GLRA1: variants seen among roughly 807,000 people sequenced by gnomAD.
GLRA1 encodes the protein glycine receptor alpha 1, also known as glycine receptor subunit alpha-1.
GLRA1 carries 37 observed loss-of-function variants against 48.3 expected under a neutral mutation model. The ratio of observed to expected loss-of-function variants is 0.77; its 90% confidence interval spans 0.59 to 1.01. The LOEUF (loss-of-function observed/expected upper bound fraction) is 1.01, where lower values mean the gene tolerates loss of function less well. Among genes scored for constraint, GLRA1 ranks in the 50% least tolerant of loss-of-function variants. GLRA1 has a pLI of 0.00. For synonymous variants in GLRA1, 196 were observed against 210.7 expected, an observed-to-expected ratio of 0.93 and a Z score of 0.60; for missense variants, 427 against 571.0, an observed-to-expected ratio of 0.75 and a Z score of 2.57.
chr5:151,878,621 G>A (rs999780820), intron 3 of GLRA1, among the ~76,000 whole-genome samples: 14 of 152,120 alleles, frequency 9.2e-5, no homozygotes, highest in African/African-American at 2.2e-4. Flanking sequence ...TGCTGTGTGC[G>A]GTCTAGAGAC....
At chr5:151,872,522 A>G (rs1581634069) in intron 3 of GLRA1, among the ~76,000 whole-genome samples, 1 of 150,018 alleles carries the variant, frequency 6.7e-6, no homozygotes, top group East Asian at 1.9e-4. Context: ...CTATTCTTTC[A>G]TTAAAGCAAT....
At chr5:151,865,261 A>G (rs1753303675) in intron 3 of GLRA1, among the ~76,000 whole-genome samples, 1 of 152,212 alleles carries the variant, frequency 6.6e-6, no homozygotes, top group Non-Finnish European at 1.5e-5. Context: ...ATAGGGGTTA[A>G]ACGCAGGGTG....
intron 3 of GLRA1, among the ~76,000 whole-genome samples, chr5:151,871,430 T>C (rs1212229529): frequency 6.7e-6 from 1 of 148,322 alleles, no homozygotes; most frequent in Non-Finnish European, 1.5e-5. Flanking sequence ...AATCAAAAAC[T>C]TTACTGAAAG....
In GLRA1 at chr5:151,912,409, G is replaced by A. The variant is rs192310280; in HGVS notation, c.56+12085C>T. On this transcript the variant is annotated intron_variant, in intron 1 of 8. Coordinates refer to ENST00000274576, the MANE Select transcript of GLRA1 (RefSeq NM_000171.4). ...GGAAGGGGCTTCTCTGCAGGACTTGGTGATGGTGAAGAGCAACCTTATCTG... is the reference window on the plus strand; with the variant it reads ...GGAAGGGGCTTCTCTGCAGGACTTGATGATGGTGAAGAGCAACCTTATCTG... Among the ~76,000 whole-genome samples the A allele has an allele frequency of 3.4e-3, 519 of 152,160 alleles. 4 individuals are homozygous for A. The highest frequency in any genetic ancestry group is 0.012 in the African/African-American group (506 of 41,526).
At chr5:151,904,899 A>T (rs940910237) in intron 1 of GLRA1, among the ~76,000 whole-genome samples, 1 of 152,168 alleles carries the variant, frequency 6.6e-6, no homozygotes, top group Non-Finnish European at 1.5e-5. Flanking sequence ...TGTGCTTTAT[A>T]TTGGAATCTA....
chr5:151,896,750 T>TTTAAAC, intron 1 of GLRA1, among the ~76,000 whole-genome samples: 1 of 152,364 alleles, frequency 6.6e-6, no homozygotes, highest in Non-Finnish European at 1.5e-5. Context: ...TCTCACTTCT[T>TTTAAAC]TTAAACTTAA....
intron 1 of GLRA1, among the ~76,000 whole-genome samples, chr5:151,924,124 C>G (rs1754947305): frequency 6.6e-6 from 1 of 152,150 alleles, no homozygotes; most frequent in Non-Finnish European, 1.5e-5. Context: ...CCTAATTAAA[C>G]TGAGTAACTC....
chr5:151,850,964 C>T (rs573112673), intron 7 of GLRA1, among the ~76,000 whole-genome samples: 33 of 152,206 alleles, frequency 2.2e-4, no homozygotes, highest in Non-Finnish European at 4.0e-4. Context: ...CAACTTTATG[C>T]TGAGTCCTAT....
chr5:151,872,392 A>G (rs1753508529), intron 3 of GLRA1, among the ~76,000 whole-genome samples: 1 of 149,906 alleles, frequency 6.7e-6, no homozygotes, highest in African/African-American at 2.6e-5. Context: ...GTGAAAATAA[A>G]AAAGCTTGAT....
chr5:151,854,705 A>G (rs926585146), intron 6 of GLRA1, among the ~76,000 whole-genome samples: 2 of 152,180 alleles, frequency 1.3e-5, no homozygotes, highest in Non-Finnish European at 2.9e-5. Flanking sequence ...CTTTTGCTCT[A>G]TTGGAAATGC....
intron 7 of GLRA1, among the ~76,000 whole-genome samples, chr5:151,834,901 G>A (rs1475264119): frequency 8.6e-5 from 13 of 151,854 alleles, no homozygotes; most frequent in East Asian, 3.9e-4. Flanking sequence ...GGTGGCAGGC[G>A]CCTGTAGTCC....
intron 3 of GLRA1, among the ~76,000 whole-genome samples, chr5:151,868,663 C>T (rs751372369): frequency 2.6e-5 from 4 of 152,300 alleles, no homozygotes; most frequent in East Asian, 3.9e-4. Context: ...GCTGCTATGA[C>T]GTACCTGTGG....
At chr5:151,889,398 T>C (rs1753999951) in intron 2 of GLRA1, among the ~76,000 whole-genome samples, 1 of 152,246 alleles carries the variant, frequency 6.6e-6, no homozygotes, top group Non-Finnish European at 1.5e-5. Flanking sequence ...TCCTGCTGGA[T>C]CATTTTACAG....
At chr5:151,854,250 AGACTGCAGCCCAGGCT>A (rs1206476692) in intron 6 of GLRA1, among the ~76,000 whole-genome samples, 1 of 152,212 alleles carries the variant, frequency 6.6e-6, no homozygotes. Context: ...TACCCAAGAC[AGACTGCAGCCCAGGCT>A]GCCTGTACCT....
chr5:151,900,193 C>G (rs1754329529), intron 1 of GLRA1, among the ~76,000 whole-genome samples: 1 of 152,136 alleles, frequency 6.6e-6, no homozygotes, highest in Admixed American at 6.5e-5. Flanking sequence ...TAAGGAGGCA[C>G]TCAATCCCAG....
chr5:151,886,582 C>A, intron 3 of GLRA1, 139 bp downstream of exon 3: 1 of 717,734 alleles, frequency 1.4e-6, no homozygotes. Flanking sequence ...GACATCCGAG[C>A]CTCATGGTAT....
chr5:151,853,779 C>A (rs547778449), intron 6 of GLRA1, among the ~76,000 whole-genome samples: 1 of 152,046 alleles, frequency 6.6e-6, no homozygotes, highest in Admixed American at 6.6e-5. Context: ...GAATCTATTG[C>A]CAAATCTAAG....
intron 1 of GLRA1, among the ~76,000 whole-genome samples, chr5:151,906,019 G>A (rs1348890224): frequency 6.6e-6 from 1 of 152,072 alleles, no homozygotes; most frequent in African/African-American, 2.4e-5. Flanking sequence ...TGCTCGAAAT[G>A]GGGGGTGGGA....
intron 1 of GLRA1, among the ~76,000 whole-genome samples, chr5:151,899,663 C>T (rs973858332): frequency 2.0e-5 from 3 of 152,104 alleles, no homozygotes; most frequent in South Asian, 2.1e-4. Flanking sequence ...TCTGGCTTCC[C>T]GCAGCCAGCT....
Sources: gnomAD v4.1 joint callset for allele counts (sites outside exome capture counted in the v4.1 genomes callset) on GRCh38, gnomAD v4.1.1 for gene constraint, MANE v1.5 for transcripts, NCBI Gene and HGNC (gene_info 2026-07-23, HGNC 2026-07-21) for gene names.